HIPK3: variants seen among roughly 807,000 people sequenced by gnomAD.
HIPK3 encodes homeodomain-interacting protein kinase 3.
In HIPK3, 47 loss-of-function variants were observed where a neutral mutation model predicts 124.2. The observed-to-expected ratio is 0.38, with a 90% CI of 0.30 to 0.48. HIPK3 has a LOEUF of 0.48. HIPK3 is among the 20% of genes least tolerant of loss of function. The probability of loss-of-function intolerance (pLI) is 0.98; values close to 1 mark genes in which losing one functional copy is unlikely to be tolerated. For missense variants in HIPK3, 1,286 were observed against 1,454.3 expected, an observed-to-expected ratio of 0.88 and a Z score of 1.88; for synonymous variants, 482 against 515.2, an observed-to-expected ratio of 0.94 and a Z score of 0.87.
Position 33,353,517 on chromosome 11 carries a change from T to C in HIPK3, c.3597T>C (p.Tyr1199=), listed in dbSNP as rs771041815. 1.2e-6 allele frequency: 2 copies of C among 1,613,998 alleles called. No individual in the cohort carries two copies. The highest frequency in any genetic ancestry group is 1.3e-5 in the African/African-American group (1 of 75,052). ...CTTACATTGCAGCATCACCTGCATA[T>C]ACTGGATTTCCACTGAGTCCAACAA... ...PHSYIAASPA[Y]TGFPLSPTKL... is the part of the protein sequence containing the mutation. The change falls in exon 17 of 17, where the codon TAT becomes TAC. Residue 1199 remains tyrosine, a synonymous_variant. Coordinates refer to ENST00000303296, the MANE Select transcript of HIPK3 (RefSeq NM_005734.5).
chr11:33,320,275 C>T (rs949221801), intron 2 of HIPK3, among the ~76,000 whole-genome samples: 2 of 152,154 alleles, frequency 1.3e-5, no homozygotes, highest in African/African-American at 4.8e-5. Context: ...ATCACTCAAG[C>T]TGCTAGATTG....
At chr11:33,287,562 C>A in intron 2 of HIPK3, 51 bp downstream of exon 2, 1 of 1,544,926 alleles carries the variant, frequency 6.5e-7, no homozygotes, top group Non-Finnish European at 8.8e-7. Context: ...GAAATTTCTG[C>A]TAAATGAAAT....
chr11:33,303,927 T>A (rs972030472), intron 2 of HIPK3, among the ~76,000 whole-genome samples: 2 of 152,196 alleles, frequency 1.3e-5, no homozygotes, highest in East Asian at 3.9e-4. Context: ...AAAAATTATT[T>A]GATATATATG....
At chr11:33,327,180 T>C (rs1852835647) in intron 2 of HIPK3, among the ~76,000 whole-genome samples, 1 of 152,134 alleles carries the variant, frequency 6.6e-6, no homozygotes, top group Admixed American at 6.6e-5. Flanking sequence ...AGGAACTTAG[T>C]AGTAGAGAAA....
chr11:33,346,864 T>C (rs1001643994), intron 8 of HIPK3, among the ~76,000 whole-genome samples: 1 of 152,196 alleles, frequency 6.6e-6, no homozygotes. Context: ...GTTAGTGTTA[T>C]GAAAATTTTA....
At chr11:33,306,450 A>T (rs1852161792) in intron 2 of HIPK3, among the ~76,000 whole-genome samples, 1 of 148,480 alleles carries the variant, frequency 6.7e-6, no homozygotes, top group South Asian at 2.2e-4. Context: ...TAAAGATTTT[A>T]CTTGCTCTAA....
rs1853809134 is a variant in HIPK3 at position 33,356,077 on chromosome 11, A to G, written c.*2509A>G. 6.6e-6 allele frequency: 1 copy of G among 152,064 alleles called. No homozygotes were observed. Among genetic ancestry groups the G allele is most frequent in the Non-Finnish European group, 1.5e-5 (1 of 67,916 alleles). The allele number at this position is 152,064 out of a possible 1,614,324, so 9.4% of individuals were successfully genotyped here. On this transcript the variant is annotated 3_prime_UTR_variant, in exon 17 of 17. Transcript: ENST00000303296. ...TGCAAAGGATTGATTGTATCACAAC[A>G]GGTACAAAACTGACAGAGTTTTCTT...
At chr11:33,299,889 GGT>G (rs2133923906) in intron 2 of HIPK3, among the ~76,000 whole-genome samples, 1 of 152,062 alleles carries the variant, frequency 6.6e-6, no homozygotes, top group South Asian at 2.1e-4. Flanking sequence ...TGAGCTTGGT[GGT>G]GTGTGTCTGT....
rs996875947 is a variant in HIPK3 at position 33,355,830 on chromosome 11, G to T, written c.*2262G>T. 2 of 151,536 alleles carry T rather than the reference G, an allele frequency of 1.3e-5. No homozygotes were observed. The highest frequency in any genetic ancestry group is 3.0e-5 in the Non-Finnish European group (2 of 67,766). The allele number at this position is 151,536 out of a possible 1,614,324, so 9.4% of individuals were successfully genotyped here. A position where few individuals can be genotyped will look rare whatever the true frequency, so the allele number is the denominator to read the frequency against. On this transcript the variant is annotated 3_prime_UTR_variant, in exon 17 of 17. Coordinates refer to ENST00000303296, the MANE Select transcript of HIPK3 (RefSeq NM_005734.5). ...TAATTCTATGCATTTTATACAAATA[G>T]AAATATATATATATAAAAAATTAAA...
At chr11:33,311,910 T>TACAC (rs71034671) in intron 2 of HIPK3, among the ~76,000 whole-genome samples, 12,484 of 113,898 alleles carry the variant, frequency 0.11, 1,223 homozygotes, top group East Asian at 0.27. Flanking sequence ...ACCCTGTTTC[T>TACAC]ACACACACAC....
At chr11:33,316,693 C>G (rs779976881) in intron 2 of HIPK3, among the ~76,000 whole-genome samples, 1 of 152,026 alleles carries the variant, frequency 6.6e-6, no homozygotes, top group African/African-American at 2.4e-5. Context: ...CATGGTGGTG[C>G]ACGCCTGTAG....
intron 2 of HIPK3, among the ~76,000 whole-genome samples, chr11:33,321,514 G>A (rs188067037): frequency 1.2e-3 from 189 of 152,320 alleles, no homozygotes; most frequent in African/African-American, 4.5e-3. Flanking sequence ...TACTTCAGTA[G>A]GTGAGCATGG....
At chr11:33,352,643 G>T (rs909919798) in intron 16 of HIPK3, among the ~76,000 whole-genome samples, 1 of 152,018 alleles carries the variant, frequency 6.6e-6, no homozygotes, top group Non-Finnish European at 1.5e-5. Flanking sequence ...TCAAATCTTG[G>T]TTTTGCCATG....
chr11:33,257,131 T>C (rs1393066605), upstream of HIPK3, among the ~76,000 whole-genome samples: 1 of 152,084 alleles, frequency 6.6e-6, no homozygotes, highest in East Asian at 1.9e-4. Context: ...GGATGCTTCT[T>C]TCGCGGGAGG....
At chr11:33,332,040 C>T (rs1057115821) in intron 3 of HIPK3, among the ~76,000 whole-genome samples, 24 of 151,930 alleles carry the variant, frequency 1.6e-4, no homozygotes, top group Admixed American at 1.1e-3. Context: ...ATAACAGGCA[C>T]GAGCCACCGC....
At chr11:33,277,858 A>G (rs1438295431) in intron 1 of HIPK3, among the ~76,000 whole-genome samples, 3 of 152,224 alleles carry the variant, frequency 2.0e-5, no homozygotes, top group Non-Finnish European at 4.4e-5. Flanking sequence ...ATAAAATGGC[A>G]TAAAATAAGA....
At chr11:33,258,359 G>A (rs1226408542) in intron 1 of HIPK3, 1 of 985,572 alleles carries the variant, frequency 1.0e-6, no homozygotes, top group Non-Finnish European at 1.2e-6. Flanking sequence ...CAAACGCGCA[G>A]GCACGCAGCT....
chr11:33,352,109 A>G (rs1017639164), intron 15 of HIPK3, 29 bp from the exon 16 acceptor site: 4 of 1,598,422 alleles, frequency 2.5e-6, no homozygotes, highest in Admixed American at 1.7e-5. Flanking sequence ...GAAAAAGCAT[A>G]AACTCTTTAA....
intron 16 of HIPK3, among the ~76,000 whole-genome samples, 195 bp downstream of exon 16, chr11:33,352,460 T>G (rs1209463157): frequency 6.6e-6 from 1 of 152,236 alleles, no homozygotes; most frequent in African/African-American, 2.4e-5. Context: ...TGTAGCCTTT[T>G]TCAGAAAGAT....
Sources: gnomAD v4.1 joint callset for allele counts (sites outside exome capture counted in the v4.1 genomes callset) on GRCh38, gnomAD v4.1.1 for gene constraint, MANE v1.5 for transcripts, NCBI Gene and HGNC (gene_info 2026-07-23, HGNC 2026-07-21) for gene names.